Variants in KIAA1217 observed in about 807,000 individuals in gnomAD.
KIAA1217 encodes the protein KIAA1217, also known as sickle tail protein homolog.
In KIAA1217, 88 loss-of-function variants were observed where a neutral mutation model predicts 163.9. The ratio of observed to expected loss-of-function variants is 0.54; its 90% CI spans 0.45 to 0.64. KIAA1217 has a LOEUF of 0.64. KIAA1217 is among the 30% of genes least tolerant of loss of function. The pLI is 0.00. For synonymous variants in KIAA1217, 903 were observed against 923.1 expected (o/e 0.98, Z 0.39); for missense variants, 2,372 against 2,475.0 (o/e 0.96, Z 0.88).
chr10:24,280,131 G>T (rs947812896), intron 2 of KIAA1217, among the ~76,000 whole-genome samples: 3 of 152,254 alleles, frequency 2.0e-5, no homozygotes, highest in Non-Finnish European at 4.4e-5. Flanking sequence ...GAAAAGAAAT[G>T]CTCATGTCTT....
intron 1 of KIAA1217, among the ~76,000 whole-genome samples, chr10:23,786,487 C>T (rs1171523641): frequency 6.9e-6 from 1 of 145,394 alleles, no homozygotes; most frequent in South Asian, 2.2e-4. Flanking sequence ...GTGGTAACCA[C>T]AAATACCATT....
intron 1 of KIAA1217, among the ~76,000 whole-genome samples, chr10:23,803,124 G>A (rs149556876): frequency 6.6e-6 from 1 of 152,238 alleles, no homozygotes; most frequent in African/African-American, 2.4e-5. Flanking sequence ...TGGAAAAGCT[G>A]GACTACAGTT....
chr10:24,448,253 G>A (rs76276822), intron 5 of KIAA1217, among the ~76,000 whole-genome samples: 19 of 151,922 alleles, frequency 1.3e-4, no homozygotes, highest in African/African-American at 3.6e-4. Flanking sequence ...GCGTGGGGGG[G>A]GCTGGAGTTT....
chr10:23,853,074 G>A (rs551106712), intron 1 of KIAA1217, among the ~76,000 whole-genome samples: 7 of 152,182 alleles, frequency 4.6e-5, no homozygotes, highest in Admixed American at 1.3e-4. Context: ...GTGAGAGAGG[G>A]CATCCCTGTC....
chr10:24,338,896 A>G (rs754122396), intron 2 of KIAA1217, among the ~76,000 whole-genome samples: 6 of 152,248 alleles, frequency 3.9e-5, no homozygotes, highest in Non-Finnish European at 4.4e-5. Flanking sequence ...ATAGAAAAAT[A>G]TAAACCAAGA....
At chr10:23,992,738 T>C (rs1162386943) in intron 1 of KIAA1217, among the ~76,000 whole-genome samples, 4 of 151,400 alleles carry the variant, frequency 2.6e-5, no homozygotes, top group Non-Finnish European at 5.9e-5. Context: ...CAAAGTGGCA[T>C]GCCTGTTGGC....
Position 24,546,560 on chromosome 10 carries a change from T to C in KIAA1217, c.*236T>C, listed in dbSNP as rs1564919248. 4.6e-6 allele frequency: 2 copies of C among 436,044 alleles called. No individual in the cohort carries two copies. 27.0% of individuals were successfully genotyped at this position (436,044 alleles called of 1,614,324 possible). On this transcript the variant is annotated 3_prime_UTR_variant, in exon 21 of 21. Transcript: ENST00000376454. Reference sequence around the variant, plus strand: ...TATACTCAATACCTATAAAATGCAGTAAGCATGTGTTACAGAAAGAGGTTC... The same window carrying C: ...TATACTCAATACCTATAAAATGCAGCAAGCATGTGTTACAGAAAGAGGTTC...
chr10:23,853,302 A>G (rs575819850), intron 1 of KIAA1217, among the ~76,000 whole-genome samples: 24 of 152,270 alleles, frequency 1.6e-4, no homozygotes, highest in African/African-American at 5.5e-4. Context: ...TTCTGTTTAT[A>G]TGCTGGATTA....
In KIAA1217 at chr10:24,277,692, G is replaced by A. The variant is rs199942110; in HGVS notation, c.354+57783G>A. ...TTGCTGCTGCCATGTGAAGAAGGAC[G>A]TGTTTGCTTCCCCTTCAACCATGAT... On this transcript the variant is annotated intron_variant, in intron 2 of 20. Transcript: ENST00000376454. Among the ~76,000 whole-genome samples, 14 of 152,334 alleles carry A rather than the reference G, an allele frequency of 9.2e-5. No individual in the cohort carries two copies. In the East Asian group the frequency reaches 2.3e-3, roughly 25 times the overall value.
chr10:24,125,363 T>TGTGTGA (rs58201246), intron 2 of KIAA1217, among the ~76,000 whole-genome samples: 1 of 147,300 alleles, frequency 6.8e-6, no homozygotes, highest in Non-Finnish European at 1.5e-5. Context: ...TGTGTGTGTG[T>TGTGTGA]GAATAGGCTT....
intron 2 of KIAA1217, among the ~76,000 whole-genome samples, chr10:24,097,231 A>G (rs558727482): frequency 1.3e-5 from 2 of 152,230 alleles, no homozygotes; most frequent in Admixed American, 1.3e-4. Context: ...TTGTACTTCA[A>G]AGGAATAAGG....
At chr10:24,535,089 G>A (rs1457537351) in intron 16 of KIAA1217, among the ~76,000 whole-genome samples, 3 of 152,110 alleles carry the variant, frequency 2.0e-5, no homozygotes, top group Admixed American at 6.6e-5. Flanking sequence ...GGACAGTTGT[G>A]GAACCACTTT....
At chr10:24,125,193 A>T (rs986752232) in intron 2 of KIAA1217, among the ~76,000 whole-genome samples, 8 of 151,990 alleles carry the variant, frequency 5.3e-5, no homozygotes, top group Admixed American at 2.6e-4. Context: ...AATTGCTTGA[A>T]CCCGGGAGAT....
intron 6 of KIAA1217, among the ~76,000 whole-genome samples, chr10:24,484,843 G>A (rs1196398657): frequency 6.6e-6 from 1 of 152,178 alleles, no homozygotes; most frequent in African/African-American, 2.4e-5. Context: ...ATAGAGTTGT[G>A]CCAGCCCTTC....
intron 4 of KIAA1217, among the ~76,000 whole-genome samples, chr10:24,436,710 A>G (rs1449799689): frequency 7.3e-6 from 1 of 136,582 alleles, no homozygotes; most frequent in African/African-American, 2.7e-5. Context: ...GTGAGCCGAG[A>G]CGGTGCCACT....
intron 2 of KIAA1217, among the ~76,000 whole-genome samples, chr10:24,146,748 T>A (rs567508904): frequency 1.3e-5 from 2 of 152,202 alleles, no homozygotes; most frequent in African/African-American, 4.8e-5. Flanking sequence ...CTTTGTCTGC[T>A]GTGCTGATGG....
intron 2 of KIAA1217, among the ~76,000 whole-genome samples, chr10:24,123,134 TTGTGTG>T (rs35526705): frequency 1.4e-5 from 2 of 148,070 alleles, no homozygotes; most frequent in Non-Finnish European, 3.0e-5. Context: ...TACTGTGTGT[TTGTGTG>T]TGTGTGTGTG....
At chr10:24,054,348 G>C (rs1849730962) in intron 2 of KIAA1217, among the ~76,000 whole-genome samples, 1 of 152,194 alleles carries the variant, frequency 6.6e-6, no homozygotes, top group African/African-American at 2.4e-5. Context: ...ACCAGTATAT[G>C]AGTGCTATTT....
intron 1 of KIAA1217, among the ~76,000 whole-genome samples, chr10:23,736,693 A>T (rs560576744): frequency 2.0e-5 from 3 of 151,688 alleles, no homozygotes; most frequent in South Asian, 2.1e-4. Flanking sequence ...TGGCTAATTT[A>T]AAAAAAAATT....
Sources: allele counts gnomAD v4.1 joint callset (sites outside exome capture counted in the v4.1 genomes callset), GRCh38; gene constraint gnomAD v4.1.1; transcripts MANE v1.5; gene names NCBI Gene and HGNC (gene_info 2026-07-23, HGNC 2026-07-21).